Variants in DNAH6 observed in about 807,000 individuals in gnomAD.
DNAH6 encodes the protein axonemal beta dynein heavy chain 6.
Under a neutral mutation model 491.4 loss-of-function variants are expected in DNAH6, and 340 were observed. The ratio of observed to expected loss-of-function variants is 0.69; its 90% confidence interval spans 0.63 to 0.76. The LOEUF is 0.76. DNAH6 is among the 30% of genes least tolerant of loss of function. DNAH6 has a pLI of 0.00. For missense variants in DNAH6, 4,443 were observed against 4,972.2 expected (o/e 0.89, Z 3.20); for synonymous variants, 1,603 against 1,686.1 (o/e 0.95, Z 1.21).
intron 9 of DNAH6, among the ~76,000 whole-genome samples, chr2:84,552,073 C>T (rs1297624729): frequency 6.7e-6 from 1 of 150,154 alleles, no homozygotes; most frequent in Admixed American, 6.6e-5. Context: ...AAAAAGAATG[C>T]TCAAATGATC....
intron 45 of DNAH6, among the ~76,000 whole-genome samples, chr2:84,689,824 G>C (rs560851511): frequency 6.6e-6 from 1 of 152,300 alleles, no homozygotes; most frequent in South Asian, 2.1e-4. Context: ...TGAGTGGCAG[G>C]TGGGGATCAC....
chr2:84,760,083 T>G (rs1674420566), intron 63 of DNAH6, among the ~76,000 whole-genome samples: 1 of 152,182 alleles, frequency 6.6e-6, no homozygotes, highest in Admixed American at 6.5e-5. Context: ...CCTCTTTCAG[T>G]AAATGGTGGT....
chr2:84,728,047 C>G, intron 61 of DNAH6, 145 bp downstream of exon 61: 1 of 621,174 alleles, frequency 1.6e-6, no homozygotes, highest in South Asian at 1.9e-5. Flanking sequence ...GCAGTTTCCC[C>G]CATACTGTTC....
At chr2:84,501,877 CT>C in the DNAH6 span, among the ~76,000 whole-genome samples, 4 of 151,428 alleles carry the variant, frequency 2.6e-5, no homozygotes, top group Non-Finnish European at 4.4e-5. Flanking sequence ...GTAATGTCAC[CT>C]TTTTTTATTT....
At chr2:84,687,956 C>T (rs996323370) in intron 44 of DNAH6, among the ~76,000 whole-genome samples, 1 of 152,046 alleles carries the variant, frequency 6.6e-6, no homozygotes, top group Admixed American at 6.6e-5. Flanking sequence ...GAAACCAGGT[C>T]GGGCGCAGTG....
At chr2:84,532,338 T>G (rs1276121230) in intron 4 of DNAH6, among the ~76,000 whole-genome samples, 1 of 152,192 alleles carries the variant, frequency 6.6e-6, no homozygotes, top group African/African-American at 2.4e-5. Context: ...GTTATCATTA[T>G]TGCAGTTTAG....
the DNAH6 span, among the ~76,000 whole-genome samples, chr2:84,510,493 T>C: frequency 6.6e-6 from 1 of 152,186 alleles, no homozygotes; most frequent in Non-Finnish European, 1.5e-5. Context: ...TTTTCAATGT[T>C]TTTAACTTCT....
chr2:84,556,547 T>G (rs1278835525), intron 10 of DNAH6, among the ~76,000 whole-genome samples: 1 of 152,254 alleles, frequency 6.6e-6, no homozygotes, highest in African/African-American at 2.4e-5. Flanking sequence ...TTTTCTCTAA[T>G]TAGACTTTAT....
chr2:84,539,338 A>G (rs1412626792), intron 4 of DNAH6, among the ~76,000 whole-genome samples: 1 of 152,074 alleles, frequency 6.6e-6, no homozygotes, highest in African/African-American at 2.4e-5. Flanking sequence ...ACATACATGC[A>G]CACACATCCT....
chr2:84,604,252 C>G (rs2104283101), intron 18 of DNAH6, 87 bp from the exon 19 acceptor site: 1 of 1,033,278 alleles, frequency 9.7e-7, no homozygotes, highest in Non-Finnish European at 1.4e-6. Context: ...TTTTCCAGCT[C>G]TCTACATGCA....
chr2:84,756,911 A>T (rs191988266), intron 63 of DNAH6, among the ~76,000 whole-genome samples: 1 of 152,218 alleles, frequency 6.6e-6, no homozygotes, highest in Non-Finnish European at 1.5e-5. Flanking sequence ...GCAAAACATA[A>T]TAGAGTCACA....
At chr2:84,683,414 T>TTTA (rs1284771821) in intron 42 of DNAH6, among the ~76,000 whole-genome samples, 1 of 10,480 alleles carries the variant, frequency 9.5e-5, no homozygotes, top group Non-Finnish European at 2.6e-4. Context: ...CCACTCTTAT[T>TTTA]TTTTTTTTTT....
At chr2:84,656,919 C>A (rs1691026924) in intron 35 of DNAH6, among the ~76,000 whole-genome samples, 1 of 151,980 alleles carries the variant, frequency 6.6e-6, no homozygotes, top group African/African-American at 2.4e-5. Context: ...TCACCAAGCC[C>A]AAAGTCATGT....
At chr2:84,676,903 A>G (rs1693278457) in intron 40 of DNAH6, 102 bp from the exon 41 acceptor site, 2 of 1,339,182 alleles carry the variant, frequency 1.5e-6, no homozygotes, top group East Asian at 2.5e-5. Context: ...GCACAAAAAA[A>G]AATGTAATGC....
chr2:84,760,839 G>A (rs961872899), intron 63 of DNAH6, among the ~76,000 whole-genome samples: 55 of 152,180 alleles, frequency 3.6e-4, no homozygotes, highest in African/African-American at 1.3e-3. Context: ...GCAAATTTCT[G>A]GGCTCAAACA....
rs1466174755 is a variant in DNAH6, at chr2:84,796,371, A to G, written c.11305A>G (p.Lys3769Glu). 1 of 1,524,710 alleles carries G rather than the reference A, an allele frequency of 6.6e-7. No individual in the cohort carries two copies. The highest frequency in any genetic ancestry group is 2.0e-5 in the Admixed American group (1 of 48,904). The allele number at this position is 1,524,710 out of a possible 1,614,324, so 94.4% of individuals were successfully genotyped here. Residue 3769 changes from lysine to glutamate, a missense_variant, in exon 69 of 77, where the codon AAA becomes GAA. Physicochemically the swap from Lys to Glu is moderately conservative, Grantham distance 56. Transcript: ENST00000389394. ...WDQRCLRTILKRFFSPETLEE... is the reference protein window; with the variant it reads ...WDQRCLRTILERFFSPETLEE... ...CCAAAGATGCCTTCGTACTATCTTG[A>G]AAAGATTTTTTTCTCCTGAAACATT...
In DNAH6 at chr2:84,814,144, T is replaced by C. The variant is rs111398828; in HGVS notation, c.12150+22T>C. ...GGAGGTATTGTCCACCTGGCTGTTA[T>C]GGCAAAGCAGCTTCTATCCCACTGT... On this transcript the variant is annotated intron_variant, in intron 75 of 76. Coordinates refer to ENST00000389394, the MANE Select transcript of DNAH6 (RefSeq NM_001370.2). 10,918 of 1,547,806 alleles carry C rather than the reference T, an allele frequency of 7.1e-3. 708 individuals carry two copies. In the African/African-American group the frequency reaches 0.13, roughly 19 times the overall value.
intron 21 of DNAH6, among the ~76,000 whole-genome samples, chr2:84,608,836 C>G (rs1686033547): frequency 6.6e-6 from 1 of 152,190 alleles, no homozygotes; most frequent in Non-Finnish European, 1.5e-5. Flanking sequence ...TCTTCATTAG[C>G]TATAAAAGTC....
intron 18 of DNAH6, among the ~76,000 whole-genome samples, 191 bp from the exon 19 acceptor site, chr2:84,604,147 GC>G (rs1685527897): frequency 6.6e-6 from 1 of 152,104 alleles, no homozygotes; most frequent in Admixed American, 6.5e-5. Context: ...AGTTTGTTCT[GC>G]CCCCGCAAAC....
Sources: gnomAD v4.1 joint callset for allele counts (sites outside exome capture counted in the v4.1 genomes callset) on GRCh38, gnomAD v4.1.1 for gene constraint, MANE v1.5 for transcripts, NCBI Gene and HGNC (gene_info 2026-07-23, HGNC 2026-07-21) for gene names.